Variants in CDH1 observed in about 807,000 individuals in gnomAD.
The protein encoded by CDH1 is cadherin 1.
In CDH1, 35 loss-of-function variants were observed where a neutral mutation model predicts 84.5. That is an observed-to-expected ratio of 0.41 (90% confidence interval 0.32 to 0.55). The LOEUF (loss-of-function observed/expected upper bound fraction) is 0.55. Among genes scored for constraint, CDH1 ranks in the 20% least tolerant of loss-of-function variants. CDH1 has a pLI of 0.19. For missense variants in CDH1, 994 were observed against 1,126.6 expected, an observed-to-expected ratio of 0.88 and a Z score of 1.68; for synonymous variants, 417 against 439.0, an observed-to-expected ratio of 0.95 and a Z score of 0.63.
chr16:68,759,019 C>T (rs1178033870), intron 2 of CDH1, among the ~76,000 whole-genome samples: 1 of 152,132 alleles, frequency 6.6e-6, no homozygotes, highest in Non-Finnish European at 1.5e-5. Context: ...TGGTCTCAAA[C>T]TCCTGACCTC....
intron 10 of CDH1, among the ~76,000 whole-genome samples, chr16:68,818,958 C>T (rs1596959882): frequency 6.6e-6 from 1 of 151,746 alleles, no homozygotes; most frequent in African/African-American, 2.4e-5. Context: ...CAGGTTCAAA[C>T]GATTCTCCTG....
chr16:68,743,283 CTT>C (rs1460596857), intron 2 of CDH1, among the ~76,000 whole-genome samples: 1 of 2,988 alleles, frequency 3.3e-4, no homozygotes, highest in Non-Finnish European at 6.9e-4. Context: ...TGCTGGGTCT[CTT>C]TCTTTCTTTC....
intron 9 of CDH1, among the ~76,000 whole-genome samples, chr16:68,815,052 G>A (rs1005007836): frequency 2.0e-5 from 3 of 151,726 alleles, no homozygotes; most frequent in African/African-American, 7.3e-5. Context: ...ATGGTGAAAC[G>A]TCGTCTCTAC....
chr16:68,783,814 C>T (rs1243713239), intron 2 of CDH1, among the ~76,000 whole-genome samples: 2 of 151,980 alleles, frequency 1.3e-5, no homozygotes, highest in Non-Finnish European at 2.9e-5. Flanking sequence ...GTAGCTGGGA[C>T]TACAGGCACC....
chr16:68,777,730 T>G (rs1959773367), intron 2 of CDH1, among the ~76,000 whole-genome samples: 1 of 151,932 alleles, frequency 6.6e-6, no homozygotes, highest in Non-Finnish European at 1.5e-5. Context: ...TTTAAATTTT[T>G]TATTTTTATC....
At chr16:68,822,403 G>A (rs1040634470) in intron 12 of CDH1, among the ~76,000 whole-genome samples, 178 bp downstream of exon 12, 1 of 151,768 alleles carries the variant, frequency 6.6e-6, no homozygotes, top group African/African-American at 2.4e-5. Flanking sequence ...TCCTTTCCTG[G>A]TATCTAACTT....
chr16:68,802,245 C>T (rs1256419403), intron 3 of CDH1, among the ~76,000 whole-genome samples: 2 of 152,176 alleles, frequency 1.3e-5, no homozygotes, highest in Admixed American at 1.3e-4. Context: ...TGAACACCGT[C>T]TGGGACTGAA....
At chr16:68,804,191 G>A (rs1028968297) in intron 3 of CDH1, among the ~76,000 whole-genome samples, 3 of 129,172 alleles carry the variant, frequency 2.3e-5, no homozygotes, top group South Asian at 2.5e-4. Flanking sequence ...TCAGCTCACT[G>A]CAAGCTCCAC....
rs1027542281 is a variant in CDH1, at chr16:68,834,039, C to A, written c.*540C>A. The A allele has an allele frequency of 5.3e-6, 2 of 373,948 alleles. No individual in the cohort carries two copies. The highest frequency in any genetic ancestry group is 7.5e-5 in the Admixed American group (2 of 26,622). 23.2% of individuals were successfully genotyped at this position (373,948 alleles called of 1,614,324 possible). ...TGGTGCAATCACAGCTCACTGCAGCCTTGTCCTCCCAGGCTCAAGCTATCC... is the reference window on the plus strand; with the variant it reads ...TGGTGCAATCACAGCTCACTGCAGCATTGTCCTCCCAGGCTCAAGCTATCC... On this transcript the variant is annotated 3_prime_UTR_variant, in exon 16 of 16. Transcript: ENST00000261769.
At chr16:68,788,753 C>T (rs1175344352) in intron 2 of CDH1, among the ~76,000 whole-genome samples, 1 of 152,144 alleles carries the variant, frequency 6.6e-6, no homozygotes, top group African/African-American at 2.4e-5. Flanking sequence ...AATCTCAACA[C>T]TTTTGGAGGC....
At chr16:68,817,348 G>A (rs1207622203) in intron 10 of CDH1, among the ~76,000 whole-genome samples, 2 of 152,192 alleles carry the variant, frequency 1.3e-5, no homozygotes, top group Non-Finnish European at 2.9e-5. Flanking sequence ...TATTGTTTGG[G>A]GGAGCTGGTC....
At chr16:68,816,944 C>T (rs926838097) in intron 10 of CDH1, among the ~76,000 whole-genome samples, 4 of 152,144 alleles carry the variant, frequency 2.6e-5, no homozygotes, top group African/African-American at 9.7e-5. Context: ...TGTACAGTTT[C>T]CAGGCTGGGT....
intron 3 of CDH1, among the ~76,000 whole-genome samples, chr16:68,802,873 A>G (rs1306855047): frequency 1.3e-5 from 2 of 152,152 alleles, no homozygotes; most frequent in African/African-American, 2.4e-5. Context: ...CCATTAGACT[A>G]TAACCTCCAC....
intron 11 of CDH1, among the ~76,000 whole-genome samples, chr16:68,820,149 A>T (rs765052480): frequency 3.2e-4 from 49 of 151,946 alleles, no homozygotes; most frequent in Admixed American, 2.5e-3. Flanking sequence ...CAGTGAGCCA[A>T]GATTGCGCCA....
chr16:68,752,238 C>T (rs1035638823), intron 2 of CDH1, among the ~76,000 whole-genome samples: 3 of 152,172 alleles, frequency 2.0e-5, no homozygotes. Flanking sequence ...AGGCGTGAGC[C>T]ACCACACCCA....
In CDH1 at chr16:68,828,320, C is replaced by A. The variant is rs778429713; in HGVS notation, c.2295+16C>A. ...AGAGGACCAGGTGGGTTTTGAAAAC[C>A]TTGGTAGCTCAGTGGTGATCTCTTT... On this transcript the variant is annotated intron_variant, in intron 14 of 15. Transcript: ENST00000261769. The A allele has an allele frequency of 3.1e-6, 5 of 1,613,500 alleles. No homozygotes were observed. The highest frequency in any genetic ancestry group is 4.2e-6 in the Non-Finnish European group (5 of 1,179,636).
intron 3 of CDH1, among the ~76,000 whole-genome samples, chr16:68,802,208 G>A (rs1379544699): frequency 2.0e-5 from 3 of 152,152 alleles, no homozygotes; most frequent in African/African-American, 4.8e-5. Flanking sequence ...TGTGGGGATC[G>A]GGTAGTGTAG....
Position 68,815,024 on chromosome 16 carries a change from G to A in CDH1, c.1321-491G>A, listed in dbSNP as rs552999445. On this transcript the variant is annotated intron_variant, in intron 9 of 15. Transcript: ENST00000261769. The stretch of plus-strand genomic sequence containing the variant: ...GTGGATCACCTGAGGTCAGGAGTTC[G>A]AGACCAGCCTGGCCAACATGGTGAA... Among the ~76,000 whole-genome samples the A allele has an allele frequency of 3.3e-5, 5 of 151,868 alleles. No homozygotes were observed. In the East Asian group the frequency reaches 7.7e-4, roughly 23 times the overall value.
chr16:68,806,643 C>T (rs1420419646), intron 3 of CDH1, among the ~76,000 whole-genome samples: 1 of 152,138 alleles, frequency 6.6e-6, no homozygotes, highest in Non-Finnish European at 1.5e-5. Context: ...TTTAATCCTT[C>T]CAAGAATTAT....
Sources: gnomAD v4.1 joint callset for allele counts (sites outside exome capture counted in the v4.1 genomes callset) on GRCh38, gnomAD v4.1.1 for gene constraint, MANE v1.5 for transcripts, NCBI Gene and HGNC (gene_info 2026-07-23, HGNC 2026-07-21) for gene names.